Variants in PLEKHG4B observed in about 807,000 individuals in gnomAD.
PLEKHG4B encodes pleckstrin homology domain-containing family G member 4B.
A neutral mutation model predicts 121.3 loss-of-function variants in PLEKHG4B; 111 were observed. The ratio of observed to expected loss-of-function variants is 0.92; its 90% CI spans 0.78 to 1.07. The LOEUF is 1.07. Ranked by LOEUF, PLEKHG4B falls within the 50% of genes least tolerant of loss-of-function variation. PLEKHG4B has a pLI of 0.00. For missense variants in PLEKHG4B, 1,831 were observed against 1,757.8 expected (o/e 1.04, Z -0.74); for synonymous variants, 738 against 725.0 (o/e 1.02, Z -0.29).
At chr5:129,767 A>G (rs1032561216) in intron 2 of PLEKHG4B, among the ~76,000 whole-genome samples, 1 of 152,254 alleles carries the variant, frequency 6.6e-6, no homozygotes, top group Non-Finnish European at 1.5e-5. Context: ...GTGAATGTGC[A>G]TTAATGTATT....
rs1734209804 is a variant in PLEKHG4B at position 113,270 on chromosome 5, C to T, written c.65C>T (p.Ala22Val). The change falls in exon 2 of 20, where the codon GCC becomes GTC. Residue 22 changes from alanine to valine, a missense_variant. Transcript: ENST00000637938. The surrounding 1 kb of genome is among the most constrained non-coding windows in gnomAD (Gnocchi z 5.2). ...TTTCAGGATCTGGAATCTCTTGATG[C>T]CTGTATCCAGAGGACGCTCTCTGCC... The part of the protein sequence containing the change: ...PGARDLESLD[A>V]CIQRTLSALY... The T allele has an allele frequency of 2.5e-6, 1 of 399,112 alleles. No individual in the cohort carries two copies. The highest frequency in any genetic ancestry group is 4.4e-6 in the Non-Finnish European group (1 of 226,134). The allele number at this position is 399,112 out of a possible 1,614,324, so 24.7% of individuals were successfully genotyped here. A position where few individuals can be genotyped will look rare whatever the true frequency, so the allele number is the denominator to read the frequency against.
rs1733578407 is a variant in PLEKHG4B at position 185,031 on chromosome 5, G to A, written c.*2708G>A. On this transcript the variant is annotated 3_prime_UTR_variant, in exon 20 of 20. Coordinates refer to ENST00000637938, the MANE Select transcript of PLEKHG4B (RefSeq NM_052909.5). ...ATCACTTGAAGGTAGATTGTGGTAAGCTAAAGATGTACTGATAAACCCTTG... is the reference window on the plus strand; with the variant it reads ...ATCACTTGAAGGTAGATTGTGGTAAACTAAAGATGTACTGATAAACCCTTG... The A allele has an allele frequency of 1.3e-5, 2 of 152,180 alleles. No homozygotes were observed. Among genetic ancestry groups the A allele is most frequent in the African/African-American group, 2.4e-5 (1 of 41,428 alleles). The allele number at this position is 152,180 out of a possible 1,614,324, so 9.4% of individuals were successfully genotyped here.
rs746370171 is a variant in PLEKHG4B at position 162,843 on chromosome 5, G to C, written c.2771G>C (p.Gly924Ala). The C allele has an allele frequency of 5.5e-5, 83 of 1,514,454 alleles. No homozygotes were observed. In the Middle Eastern group the frequency reaches 1.0e-3, roughly 19 times the overall value. The allele number at this position is 1,514,454 out of a possible 1,614,324, so 93.8% of individuals were successfully genotyped here. The change falls in exon 13 of 20, where the codon GGT (glycine) becomes GCT (alanine). Residue 924 changes from glycine to alanine, a missense_variant. By Grantham distance (60) the Gly-to-Ala change is moderately conservative. Transcript: ENST00000637938. ...GCTGCAGAGGCCTTCCCCGGGGCAG[G>C]TGTGGCAGTGCTGAAGCCTCATGCC... ...SVAAEAFPGA[G>A]VAVLKPHALG...
intron 1 of PLEKHG4B, among the ~76,000 whole-genome samples, chr5:109,206 A>G (rs1363648341): frequency 6.6e-6 from 1 of 152,034 alleles, no homozygotes; most frequent in East Asian, 1.9e-4. Flanking sequence ...CCTGGCCAAC[A>G]TGGTGAAACC....
intron 5 of PLEKHG4B, 112 bp downstream of exon 5, chr5:143,615 C>G: frequency 7.6e-7 from 1 of 1,321,828 alleles, no homozygotes; most frequent in South Asian, 1.3e-5. Flanking sequence ...GACTCTGCCT[C>G]TCCTAACCTC....
chr5:154,370 C>T (rs1406815395), intron 7 of PLEKHG4B, among the ~76,000 whole-genome samples: 1 of 152,130 alleles, frequency 6.6e-6, no homozygotes, highest in African/African-American at 2.4e-5. Flanking sequence ...TGCCTGTTTT[C>T]TGTTGGAGCT....
At chr5:118,677 T>C (rs1734376429) in intron 2 of PLEKHG4B, among the ~76,000 whole-genome samples, 2 of 152,168 alleles carry the variant, frequency 1.3e-5, no homozygotes, top group Admixed American at 6.5e-5. Context: ...CATAATAGCA[T>C]CCAGAATGGT....
chr5:119,829 AT>A (rs1734416439), intron 2 of PLEKHG4B, among the ~76,000 whole-genome samples: 1 of 152,212 alleles, frequency 6.6e-6, no homozygotes, highest in Admixed American at 6.5e-5. Context: ...ACAGATTAGA[AT>A]CTGAAGGAGC....
At chr5:144,998 G>C (rs1560927288) in intron 6 of PLEKHG4B, 78 bp downstream of exon 6, 1 of 1,354,990 alleles carries the variant, frequency 7.4e-7, no homozygotes, top group Non-Finnish European at 1.0e-6. Context: ...CCACATCGTG[G>C]TTCTGGAGTA....
At chr5:149,923 C>T (rs969961303) in intron 6 of PLEKHG4B, among the ~76,000 whole-genome samples, 12 of 152,160 alleles carry the variant, frequency 7.9e-5, no homozygotes, top group African/African-American at 2.9e-4. Context: ...TTGATGGGAA[C>T]AGTAAATAGT....
At chr5:153,373 G>A (rs1398300478) in intron 7 of PLEKHG4B, among the ~76,000 whole-genome samples, 2 of 152,146 alleles carry the variant, frequency 1.3e-5, no homozygotes, top group East Asian at 1.9e-4. Context: ...ATTCTGCTGG[G>A]GAGACTGGAT....
chr5:154,351 T>C (rs969265022), intron 7 of PLEKHG4B, among the ~76,000 whole-genome samples: 1 of 152,144 alleles, frequency 6.6e-6, no homozygotes, highest in African/African-American at 2.4e-5. Context: ...CCACCTGCTG[T>C]CAAAAGGATG....
At chr5:169,300 TG>T (rs769067797) in intron 13 of PLEKHG4B, 39 bp from the exon 14 acceptor site, 12 of 1,609,430 alleles carry the variant, frequency 7.5e-6, no homozygotes, top group Admixed American at 3.4e-5. Flanking sequence ...AAAGTGTCCG[TG>T]GGGGGCCGTG....
intron 1 of PLEKHG4B, among the ~76,000 whole-genome samples, chr5:94,506 AG>A (rs1733572174): frequency 6.9e-6 from 1 of 144,124 alleles, no homozygotes. Context: ...GAGAGGTGGC[AG>A]GTTCCATCCT....
chr5:135,471 C>A (rs1734931057), intron 2 of PLEKHG4B, among the ~76,000 whole-genome samples: 1 of 149,418 alleles, frequency 6.7e-6, no homozygotes, highest in African/African-American at 2.5e-5. Context: ...CGAGACCATC[C>A]TGGCTAACAC....
At chr5:138,147 GC>G (rs1181350598) in intron 2 of PLEKHG4B, among the ~76,000 whole-genome samples, 1 of 152,134 alleles carries the variant, frequency 6.6e-6, no homozygotes, top group Non-Finnish European at 1.5e-5. Flanking sequence ...CCTGGGACCC[GC>G]CCCCCACCGG....
chr5:155,553 A>G (rs1482362038), intron 9 of PLEKHG4B, 110 bp downstream of exon 9: 3 of 808,380 alleles, frequency 3.7e-6, no homozygotes, highest in African/African-American at 1.7e-5. Context: ...TCTGTAGCAG[A>G]GACCTTCAAA....
In PLEKHG4B at chr5:159,918, G is replaced by T. The variant is rs1201068438; in HGVS notation, c.2488-1865G>T. Among the ~76,000 whole-genome samples, 1 of 152,134 alleles carries T rather than the reference G, an allele frequency of 6.6e-6. No individual in the cohort carries two copies. The highest frequency in any genetic ancestry group is 2.1e-4 in the South Asian group (1 of 4,828). ...CTCCCGCTTCCTTCCCGGCCTCCAG[G>T]TTTGTGCCCTGGCTGCTCTCTGCCC... On this transcript the variant is annotated intron_variant, in intron 11 of 19. Coordinates refer to ENST00000637938, the MANE Select transcript of PLEKHG4B (RefSeq NM_052909.5). This position sits in a 1 kb window ranked among gnomAD's most constrained non-coding sequence, Gnocchi z 5.5.
At chr5:100,182 GT>G (rs746467135) in intron 1 of PLEKHG4B, among the ~76,000 whole-genome samples, 29 of 152,196 alleles carry the variant, frequency 1.9e-4, no homozygotes, top group Non-Finnish European at 3.5e-4. Context: ...ATCTCATTAC[GT>G]TATATGAAAA....
Sources: allele counts gnomAD v4.1 joint callset (sites outside exome capture counted in the v4.1 genomes callset), GRCh38; gene constraint gnomAD v4.1.1; non-coding constraint Gnocchi (gnomAD v3.1); transcripts MANE v1.5; gene names NCBI Gene and HGNC (gene_info 2026-07-23, HGNC 2026-07-21).